PHACTR1: variants seen among roughly 807,000 people sequenced by gnomAD.
PHACTR1 encodes the protein phosphatase and actin regulator 1.
In PHACTR1, 16 loss-of-function variants were observed where a neutral mutation model predicts 69.2. That is an observed-to-expected ratio of 0.23 (90% CI 0.16 to 0.35). PHACTR1 has a LOEUF of 0.35. PHACTR1 is among the 10% of genes least tolerant of loss of function. PHACTR1 has a pLI of 1.00. For synonymous variants in PHACTR1, 312 were observed against 284.5 expected (o/e 1.10, Z -0.97); for missense variants, 510 against 734.7 (o/e 0.69, Z 3.54).
chr6:12,750,977 TGTG>T (rs1432260350), intron 4 of PHACTR1, among the ~76,000 whole-genome samples: 2 of 41,654 alleles, frequency 4.8e-5, no homozygotes, highest in East Asian at 2.7e-4. Flanking sequence ...TCAAACAAAA[TGTG>T]TGTGTGTGTG....
intron 5 of PHACTR1, among the ~76,000 whole-genome samples, chr6:13,142,952 A>G (rs1822730681): frequency 6.6e-6 from 1 of 152,224 alleles, no homozygotes; most frequent in Non-Finnish European, 1.5e-5. Context: ...TCTCCCGGAT[A>G]TTTAATAATG....
intron 5 of PHACTR1, among the ~76,000 whole-genome samples, chr6:13,122,235 T>A (rs965365634): frequency 6.6e-6 from 1 of 152,240 alleles, no homozygotes; most frequent in Non-Finnish European, 1.5e-5. Flanking sequence ...GTAAGGACTT[T>A]GTGTTTTACA....
chr6:12,988,718 T>C (rs534420754), intron 4 of PHACTR1, among the ~76,000 whole-genome samples: 2 of 152,316 alleles, frequency 1.3e-5, no homozygotes, highest in South Asian at 4.1e-4. Context: ...AAACACTGGT[T>C]GGCCAAGACA....
chr6:12,950,729 C>G (rs975168021), intron 4 of PHACTR1, among the ~76,000 whole-genome samples: 1 of 152,144 alleles, frequency 6.6e-6, no homozygotes, highest in Non-Finnish European at 1.5e-5. Flanking sequence ...CCCTAGGCCC[C>G]TGACAGGTGC....
chr6:12,944,787 A>ATTTTTTTTTTTTTT (rs67157877), intron 4 of PHACTR1, among the ~76,000 whole-genome samples: 1 of 116,340 alleles, frequency 8.6e-6, no homozygotes, highest in Admixed American at 8.0e-5. Flanking sequence ...ATTTTTATTT[A>ATTTTTTTTTTTTTT]TTTTTTTTTT....
At chr6:12,937,670 G>A (rs527935273) in intron 4 of PHACTR1, among the ~76,000 whole-genome samples, 1 of 152,142 alleles carries the variant, frequency 6.6e-6, no homozygotes, top group South Asian at 2.1e-4. Flanking sequence ...ATTTTAGAGA[G>A]TGTGGGCAGA....
In PHACTR1 at chr6:13,182,565, G is replaced by T; in HGVS notation, c.543G>T (p.Gly181=). ...ATGAAGAGGACTCCCTAGAAAATGG[G>T]CAGTCCCTGAGCTCCAGCCAGCTGT... ...ISNEEDSLEN[G]QSLSSSQLSL... is the part of the protein sequence containing the mutation. The change falls in exon 7 of 15, where the codon GGG becomes GGT. Residue 181 remains glycine, a synonymous_variant. Transcript: ENST00000332995. The T allele has an allele frequency of 6.2e-7, 1 of 1,613,870 alleles. No homozygotes were observed. The highest frequency in any genetic ancestry group is 8.5e-7 in the Non-Finnish European group (1 of 1,179,808).
chr6:12,779,430 A>T (rs1173684557), intron 4 of PHACTR1, among the ~76,000 whole-genome samples: 3 of 151,520 alleles, frequency 2.0e-5, no homozygotes, highest in African/African-American at 7.3e-5. Flanking sequence ...TCATTAGCTC[A>T]GTTAAACTTT....
chr6:13,287,153 T>G lies in PHACTR1; in HGVS notation c.*75T>G, dbSNP rs1781853560. 7.4e-7 allele frequency: 1 copy of G among 1,352,594 alleles called. No individual in the cohort carries two copies. Among genetic ancestry groups the G allele is most frequent in the Non-Finnish European group, 1.0e-6 (1 of 969,520 alleles). 83.8% of individuals were successfully genotyped at this position (1,352,594 alleles called of 1,614,324 possible). On this transcript the variant is annotated 3_prime_UTR_variant, in exon 15 of 15. Transcript: ENST00000332995. ...AAGAACCATAAGTGCTGGTATTTAT[T>G]CACTTCCCCATTACGATGTAAATCT... is the stretch of plus-strand genomic sequence containing the variant.
chr6:13,075,644 CCTT>C (rs1810336100), intron 5 of PHACTR1, among the ~76,000 whole-genome samples: 1 of 152,190 alleles, frequency 6.6e-6, no homozygotes, highest in African/African-American at 2.4e-5. Context: ...TTGCGGCCGT[CCTT>C]CTTTCTCAGT....
At chr6:13,101,567 AG>A (rs1815168080) in intron 5 of PHACTR1, among the ~76,000 whole-genome samples, 1 of 152,212 alleles carries the variant, frequency 6.6e-6, no homozygotes, top group Non-Finnish European at 1.5e-5. Flanking sequence ...AAGAAATGAA[AG>A]AATAGCTGAA....
Position 13,205,928 on chromosome 6 carries a change from T to C in PHACTR1, c.778T>C (p.Ser260Pro), listed in dbSNP as rs369952844. 2.7e-5 allele frequency: 44 copies of C among 1,613,996 alleles called. No individual in the cohort carries two copies. The South Asian group carries it at 3.6e-4, about 13-fold the overall frequency. The change falls in exon 8 of 15, where the codon TCC (serine) becomes CCC (proline). Residue 260 changes from serine (S) to proline (P), a missense_variant. Coordinates refer to ENST00000332995, the MANE Select transcript of PHACTR1 (RefSeq NM_030948.6). ...PVGGPDLSLV[S>P]YTAQKSGQQG... ...GGGGGGGCCAGACCTCTCACTGGTG[T>C]CCTACACAGCCCAGAAGAGTGGCCA...
intron 4 of PHACTR1, among the ~76,000 whole-genome samples, chr6:13,020,762 G>C (rs1383560426): frequency 2.0e-5 from 3 of 152,188 alleles, no homozygotes; most frequent in Non-Finnish European, 4.4e-5. Context: ...ATCCACTTAA[G>C]ATATGTTCAG....
At chr6:13,242,846 T>C (rs1223093011) in intron 10 of PHACTR1, among the ~76,000 whole-genome samples, 2 of 152,134 alleles carry the variant, frequency 1.3e-5, no homozygotes, top group African/African-American at 4.8e-5. Context: ...CTTCAGCCAG[T>C]TGATTCAGTT....
chr6:12,963,038 G>C (rs1342828067), intron 4 of PHACTR1, among the ~76,000 whole-genome samples: 1 of 152,144 alleles, frequency 6.6e-6, no homozygotes, highest in Non-Finnish European at 1.5e-5. Context: ...AACAGAATTG[G>C]TCAGTAGAGA....
chr6:13,029,510 A>G (rs951034609), intron 4 of PHACTR1, among the ~76,000 whole-genome samples: 3 of 152,232 alleles, frequency 2.0e-5, no homozygotes, highest in Non-Finnish European at 2.9e-5. Context: ...TCACTCATAT[A>G]GTACTGCCAT....
intron 10 of PHACTR1, chr6:13,253,000 C>G (rs1261173532): frequency 1.5e-5 from 7 of 453,226 alleles, no homozygotes; most frequent in South Asian, 1.1e-4. Context: ...GTTATTGTTT[C>G]CAGAAACAAG....
chr6:12,810,463 G>A (rs1397992907), intron 4 of PHACTR1, among the ~76,000 whole-genome samples: 1 of 152,148 alleles, frequency 6.6e-6, no homozygotes, highest in Non-Finnish European at 1.5e-5. Context: ...AGCTCTTCAG[G>A]TTTCCAGATG....
At chr6:12,864,524 C>T (rs1781259704) in intron 4 of PHACTR1, among the ~76,000 whole-genome samples, 1 of 151,966 alleles carries the variant, frequency 6.6e-6, no homozygotes, top group Non-Finnish European at 1.5e-5. Flanking sequence ...ACTAAAAATA[C>T]AAAAAATTAG....
Sources: gnomAD v4.1 joint callset for allele counts (sites outside exome capture counted in the v4.1 genomes callset) on GRCh38, gnomAD v4.1.1 for gene constraint, MANE v1.5 for transcripts, NCBI Gene and HGNC (gene_info 2026-07-23, HGNC 2026-07-21) for gene names.